DCP1B: variants seen among roughly 807,000 people sequenced by gnomAD.
DCP1B encodes the protein mRNA-decapping enzyme 1B.
In DCP1B, 47 loss-of-function variants were observed where a neutral mutation model predicts 60.5. The observed-to-expected ratio is 0.78, with a 90% CI of 0.61 to 0.99. The LOEUF (loss-of-function observed/expected upper bound fraction) is 0.99. Ranked by LOEUF, DCP1B falls within the 50% of genes least tolerant of loss-of-function variation. The pLI is 0.00. For missense variants in DCP1B, 725 were observed against 756.8 expected (o/e 0.96, Z 0.49); for synonymous variants, 267 against 280.3 (o/e 0.95, Z 0.47).
At chr12:1,983,392 T>C (rs2036726241) in intron 3 of DCP1B, among the ~76,000 whole-genome samples, 1 of 152,056 alleles carries the variant, frequency 6.6e-6, no homozygotes. Context: ...TAAATTTCCC[T>C]GTAAGTCCAA....
downstream of DCP1B, among the ~76,000 whole-genome samples, chr12:1,944,379 A>G (rs1026137655): frequency 1.3e-5 from 2 of 152,248 alleles, no homozygotes; most frequent in African/African-American, 4.8e-5. Flanking sequence ...TATAGATTCA[A>G]TGCTATCCCC....
At chr12:1,960,451 CAGG>C (rs35226395) in intron 5 of DCP1B, among the ~76,000 whole-genome samples, 1,871 of 152,178 alleles carry the variant, frequency 0.012, 38 homozygotes, top group African/African-American at 0.043. Context: ...GGAATAAGTT[CAGG>C]AGATTTATTG....
chr12:2,001,233 T>A (rs2042138856), intron 1 of DCP1B, among the ~76,000 whole-genome samples: 1 of 152,146 alleles, frequency 6.6e-6, no homozygotes, highest in Admixed American at 6.5e-5. Context: ...TTTTTTTCTT[T>A]CTGAGCAAAG....
In DCP1B at chr12:2,002,411, GA is replaced by G. The variant is rs2042385690; in HGVS notation, c.150+1870del. Among the ~76,000 whole-genome samples, 6 of 152,174 alleles carry G rather than the reference GA, an allele frequency of 3.9e-5. No individual in the cohort carries two copies. The South Asian group carries it at 1.2e-3, about 32-fold the overall frequency. On this transcript the variant is annotated intron_variant, in intron 1 of 8. Coordinates refer to ENST00000280665, the MANE Select transcript of DCP1B (RefSeq NM_152640.5). ...CCACAGCCTTGAAGATTAGAACTTTGAAAGAATGACCTTTTCCTGAATGAAT... is the reference window on the plus strand; with the variant it reads ...CCACAGCCTTGAAGATTAGAACTTTGAAGAATGACCTTTTCCTGAATGAAT...
At chr12:2,003,344 C>G (rs920685066) in intron 1 of DCP1B, among the ~76,000 whole-genome samples, 2 of 152,134 alleles carry the variant, frequency 1.3e-5, no homozygotes, top group Non-Finnish European at 2.9e-5. Flanking sequence ...ATCTGAAATC[C>G]ATTCATCAAG....
chr12:1,944,162 A>T (rs529682595), downstream of DCP1B, among the ~76,000 whole-genome samples: 2 of 152,242 alleles, frequency 1.3e-5, no homozygotes, highest in Non-Finnish European at 2.9e-5. Flanking sequence ...GAGCCAAATC[A>T]TAAGTGAACT....
intron 3 of DCP1B, among the ~76,000 whole-genome samples, chr12:1,968,322 A>G (rs1592796728): frequency 6.6e-6 from 1 of 151,344 alleles, no homozygotes; most frequent in East Asian, 1.9e-4. Flanking sequence ...ATTGGACGCC[A>G]GCCTGGATGA....
In DCP1B at chr12:1,971,235, A is replaced by C. The variant is rs34319177; in HGVS notation, c.320-3325T>G. On this transcript the variant is annotated intron_variant, in intron 3 of 8. Transcript: ENST00000280665. The surrounding 1 kb of genome is among the most constrained non-coding windows in gnomAD (Gnocchi z 4.2). ...CCCTAAAGTGAAATAAAGAGTAGGA[A>C]GAACATGTTGAAATTTACTCTAAAT... is the stretch of plus-strand genomic sequence containing the variant. 6,365 of 1,216,820 alleles carry C rather than the reference A, an allele frequency of 5.2e-3. 20 individuals carry two copies. The highest frequency in any genetic ancestry group is 6.1e-3 in the Non-Finnish European group (5,665 of 924,740). The allele number at this position is 1,216,820 out of a possible 1,614,324, so 75.4% of individuals were successfully genotyped here.
rs1443867802 is a variant in DCP1B at position 1,993,310 on chromosome 12, C to T, written c.273G>A (p.Leu91=). The change falls in exon 3 of 9, where the codon TTG becomes TTA. Residue 91 remains leucine (L), a synonymous_variant. Coordinates refer to ENST00000280665, the MANE Select transcript of DCP1B (RefSeq NM_152640.5). ...GGAAAGGGTCCTGGAGTTGGAAATC[C>T]AAGTCTTTAGTAATAGGTTCTGTCC... is the stretch of plus-strand genomic sequence containing the variant. ...ENRTEPITKD[L]DFQLQDPFLL... is the part of the protein sequence containing the mutation. The T allele has an allele frequency of 6.2e-7, 1 of 1,613,922 alleles. No individual in the cohort carries two copies. The highest frequency in any genetic ancestry group is 1.3e-5 in the African/African-American group (1 of 74,890).
downstream of DCP1B, among the ~76,000 whole-genome samples, chr12:1,942,526 A>T (rs2030305688): frequency 6.6e-6 from 1 of 152,216 alleles, no homozygotes; most frequent in Non-Finnish European, 1.5e-5. Context: ...TCTAAAATTG[A>T]CCACATAATC....
intron 3 of DCP1B, among the ~76,000 whole-genome samples, chr12:1,980,705 T>G (rs1302389850): frequency 6.6e-6 from 1 of 151,114 alleles, no homozygotes; most frequent in Non-Finnish European, 1.5e-5. Flanking sequence ...AAGAGTTATT[T>G]ATTTCGTTGC....
At chr12:1,959,594 G>T (rs1373647100) in intron 5 of DCP1B, among the ~76,000 whole-genome samples, 1 of 152,186 alleles carries the variant, frequency 6.6e-6, no homozygotes, top group Non-Finnish European at 1.5e-5. Flanking sequence ...ATAAGTGGTG[G>T]CAAGGATGTA....
At chr12:1,993,167 G>T in intron 3 of DCP1B, 97 bp downstream of exon 3, 1 of 1,546,784 alleles carries the variant, frequency 6.5e-7, no homozygotes, top group Non-Finnish European at 8.9e-7. Flanking sequence ...CATAGCCACT[G>T]ATACCAAATG....
At chr12:1,954,647 T>C (rs2030812951) in intron 6 of DCP1B, among the ~76,000 whole-genome samples, 1 of 152,024 alleles carries the variant, frequency 6.6e-6, no homozygotes, top group Non-Finnish European at 1.5e-5. Context: ...TACCATTCCT[T>C]TGGACTCTGA....
At chr12:1,965,903 T>C (rs1486274890) in intron 4 of DCP1B, among the ~76,000 whole-genome samples, 1 of 152,204 alleles carries the variant, frequency 6.6e-6, no homozygotes, top group Admixed American at 6.5e-5. Flanking sequence ...TCAGCAAATC[T>C]GTGGGCCAAG....
chr12:1,976,629 GC>G (rs1748035585), intron 3 of DCP1B, among the ~76,000 whole-genome samples: 1 of 151,944 alleles, frequency 6.6e-6, no homozygotes, highest in African/African-American at 2.4e-5. Context: ...CTAAGTTTTT[GC>G]CTAGTAAGAA....
chr12:1,985,005 C>A (rs1174825645), intron 3 of DCP1B, among the ~76,000 whole-genome samples: 1 of 150,382 alleles, frequency 6.6e-6, no homozygotes, highest in Non-Finnish European at 1.5e-5. Flanking sequence ...AGATGTAACA[C>A]AATGGTTTTC....
chr12:1,978,368 TA>T (rs1436943574), intron 3 of DCP1B, among the ~76,000 whole-genome samples: 2 of 152,154 alleles, frequency 1.3e-5, no homozygotes, highest in Admixed American at 1.3e-4. Flanking sequence ...CGCAAAGTAA[TA>T]AAGAGTTAGT....
chr12:2,004,174 A>G, intron 1 of DCP1B, 108 bp downstream of exon 1: 1 of 1,481,918 alleles, frequency 6.7e-7, no homozygotes, highest in Non-Finnish European at 9.1e-7. Flanking sequence ...ACCCACTTCC[A>G]GGGCGTCAAC....
Sources: allele counts gnomAD v4.1 joint callset (sites outside exome capture counted in the v4.1 genomes callset), GRCh38; gene constraint gnomAD v4.1.1; non-coding constraint Gnocchi (gnomAD v3.1); transcripts MANE v1.5; gene names NCBI Gene and HGNC (gene_info 2026-07-23, HGNC 2026-07-21).